Variants in STAT5B observed in about 807,000 individuals in gnomAD.
STAT5B encodes the protein transcription factor STAT5B.
Under a neutral mutation model 107.8 loss-of-function variants are expected in STAT5B, and 21 were observed. That is an observed-to-expected ratio of 0.19 (90% CI 0.14 to 0.28). The LOEUF (loss-of-function observed/expected upper bound fraction) is 0.28. Among genes scored for constraint, STAT5B ranks in the 10% least tolerant of loss-of-function variants. STAT5B has a pLI of 1.00. For synonymous variants in STAT5B, 325 were observed against 401.7 expected (o/e 0.81, Z 2.28); for missense variants, 565 against 1,008.2 (o/e 0.56, Z 5.95).
intron 1 of STAT5B, among the ~76,000 whole-genome samples, chr17:42,262,828 A>C (rs866183934): frequency 1.6e-5 from 2 of 121,982 alleles, no homozygotes; most frequent in Non-Finnish European, 3.4e-5. Context: ...ATATATGTGT[A>C]TATATACACA....
chr17:42,214,828 C>A (rs1000233049), intron 12 of STAT5B, among the ~76,000 whole-genome samples: 2 of 152,218 alleles, frequency 1.3e-5, no homozygotes, highest in Non-Finnish European at 1.5e-5. Context: ...TGGCTCACTG[C>A]AGCCTGGACC....
At chr17:42,224,562 G>A (rs1029481639) in intron 4 of STAT5B, among the ~76,000 whole-genome samples, 7 of 151,802 alleles carry the variant, frequency 4.6e-5, no homozygotes, top group African/African-American at 1.2e-4. Flanking sequence ...GGGTGCTCTC[G>A]AACTCCTGGG....
intron 1 of STAT5B, among the ~76,000 whole-genome samples, chr17:42,243,054 C>T (rs2080418432): frequency 6.6e-6 from 1 of 151,556 alleles, no homozygotes; most frequent in Admixed American, 6.6e-5. Flanking sequence ...ATCTGCTGAC[C>T]TTCCCTCCAC....
At chr17:42,265,837 T>A (rs1350362737) in intron 1 of STAT5B, among the ~76,000 whole-genome samples, 2 of 152,182 alleles carry the variant, frequency 1.3e-5, no homozygotes, top group African/African-American at 4.8e-5. Context: ...TCATTTTTAT[T>A]TGCATTTCTT....
Position 42,215,795 on chromosome 17 carries a change from ATTT to A in STAT5B, c.1473+216_1473+218del, listed in dbSNP as rs2080166492. Among the ~76,000 whole-genome samples the A allele has an allele frequency of 2.0e-5, 3 of 152,018 alleles. No homozygotes were observed. In the South Asian group the frequency reaches 6.2e-4, roughly 32 times the overall value. On this transcript the variant is annotated intron_variant, in intron 12 of 18. Coordinates refer to ENST00000293328, the MANE Select transcript of STAT5B (RefSeq NM_012448.4). The stretch of plus-strand genomic sequence containing the variant: ...CACCACACCCAGCTAATTTTTCGGT[ATTT>A]TTTAATAGAAACAGGATTTTGCTAT...
intron 1 of STAT5B, among the ~76,000 whole-genome samples, chr17:42,232,840 G>GT (rs931007817): frequency 0.026 from 3,455 of 133,290 alleles, 102 homozygotes; most frequent in African/African-American, 0.058. Context: ...TTAGCAGAGA[G>GT]TTTTTTTTTT....
At position 42,233,117 on chromosome 17, in the gene STAT5B, G is replaced by A. The variant is rs1181162799; in HGVS notation, c.-10-980C>T. 5.3e-5 allele frequency among the ~76,000 whole-genome samples: 8 copies of A among 152,116 alleles called. No individual in the cohort carries two copies. The South Asian group carries it at 1.7e-3, about 32-fold the overall frequency. On this transcript the variant is annotated intron_variant, in intron 1 of 18. Coordinates refer to ENST00000293328, the MANE Select transcript of STAT5B (RefSeq NM_012448.4). ...CTCCCAAAGGGCTGGGGTTATAGGT[G>A]TGAGCCACTGCGCCCAGCTGAGAGA...
At chr17:42,269,174 A>G (rs1157587289) in intron 1 of STAT5B, among the ~76,000 whole-genome samples, 1 of 152,138 alleles carries the variant, frequency 6.6e-6, no homozygotes, top group Non-Finnish European at 1.5e-5. Context: ...CCTGGGTTCA[A>G]GTGATTCTTC....
the STAT5B span, among the ~76,000 whole-genome samples, chr17:42,287,130 A>G: frequency 5.3e-5 from 8 of 151,960 alleles, no homozygotes; most frequent in Admixed American, 5.2e-4. Context: ...CCTGCCAACT[A>G]AGACACTGTG....
At chr17:42,230,805 C>T (rs556723799) in intron 2 of STAT5B, among the ~76,000 whole-genome samples, 5 of 151,988 alleles carry the variant, frequency 3.3e-5, no homozygotes, top group South Asian at 2.1e-4. Context: ...GGATTACAGG[C>T]GCCCGTCACC....
chr17:42,279,595 C>T (rs2080787326), upstream of STAT5B, among the ~76,000 whole-genome samples: 1 of 152,108 alleles, frequency 6.6e-6, no homozygotes, highest in East Asian at 1.9e-4. Context: ...CGAGACCAGC[C>T]TAACCAACGT....
intron 1 of STAT5B, among the ~76,000 whole-genome samples, chr17:42,247,045 G>C (rs1420739648): frequency 6.6e-6 from 1 of 152,188 alleles, no homozygotes; most frequent in East Asian, 1.9e-4. Context: ...AACCAACGCA[G>C]GGTTTGTATT....
rs374089065 is a variant in STAT5B, at chr17:42,218,896, G to A, written c.834-18C>T. 132 of 1,613,812 alleles carry A rather than the reference G, an allele frequency of 8.2e-5. No individual in the cohort carries two copies. The African/African-American group carries it at 1.7e-3, about 21-fold the overall frequency. ...TCTCACACCTGCACGAGAGCCCCAA[G>A]GCCAACAGGAGGACAATGGCTCCTC... On this transcript the variant is annotated intron_variant, in intron 7 of 18. Transcript: ENST00000293328.
intron 1 of STAT5B, among the ~76,000 whole-genome samples, chr17:42,274,692 A>T (rs1172460159): frequency 6.6e-6 from 1 of 152,272 alleles, no homozygotes; most frequent in South Asian, 2.1e-4. Context: ...AGGCACACTC[A>T]ATAAAATACA....
chr17:42,270,381 A>G (rs980994714), intron 1 of STAT5B: 1 of 152,194 alleles, frequency 6.6e-6, no homozygotes, highest in Admixed American at 6.5e-5. Context: ...ACAGACGTGC[A>G]TGTCAACACA....
chr17:42,265,472 C>G (rs1442015718), intron 1 of STAT5B, among the ~76,000 whole-genome samples: 1 of 150,870 alleles, frequency 6.6e-6, no homozygotes, highest in Non-Finnish European at 1.5e-5. Flanking sequence ...CCTGCCTCAG[C>G]CTCCCGAGTA....
the STAT5B span, among the ~76,000 whole-genome samples, chr17:42,282,235 G>A: frequency 6.6e-6 from 1 of 152,190 alleles, no homozygotes; most frequent in East Asian, 1.9e-4. Context: ...GAAGGGGCCT[G>A]TAATACAGAT....
At chr17:42,273,246 G>C (rs1382023915) in intron 1 of STAT5B, among the ~76,000 whole-genome samples, 2 of 151,950 alleles carry the variant, frequency 1.3e-5, no homozygotes, top group Non-Finnish European at 2.9e-5. Context: ...GATTTTAGAA[G>C]AGTTCTATTC....
intron 5 of STAT5B, among the ~76,000 whole-genome samples, chr17:42,223,008 A>G (rs796978803): frequency 9.9e-5 from 15 of 152,254 alleles, no homozygotes; most frequent in African/African-American, 3.6e-4. Context: ...ACATGTAATT[A>G]TATAATTTCC....
Sources: gnomAD v4.1 joint callset for allele counts (sites outside exome capture counted in the v4.1 genomes callset) on GRCh38, gnomAD v4.1.1 for gene constraint, MANE v1.5 for transcripts, NCBI Gene and HGNC (gene_info 2026-07-23, HGNC 2026-07-21) for gene names.